The following DST variants were observed in gnomAD, a reference collection of about 807,000 sequenced individuals.
The protein encoded by DST is bullous pemphigoid antigen.
A neutral mutation model predicts 875.2 loss-of-function variants in DST; 253 were observed. That is an observed-to-expected ratio of 0.29 (90% CI 0.26 to 0.32). The LOEUF is 0.32. Ranked by LOEUF, DST falls within the 10% of genes least tolerant of loss-of-function variation. DST has a pLI of 1.00. For missense variants in DST, 8,287 were observed against 9,111.6 expected (o/e 0.91, Z 3.68); for synonymous variants, 3,124 against 3,197.1 (o/e 0.98, Z 0.77).
intron 2 of DST, among the ~76,000 whole-genome samples, chr6:56,904,792 GTT>G (rs2127700809): frequency 6.6e-6 from 1 of 152,218 alleles, no homozygotes; most frequent in South Asian, 2.1e-4. Context: ...GTTAATAAGA[GTT>G]ACTCTTTTTC....
chr6:56,600,469 G>A (rs917667953), intron 44 of DST, among the ~76,000 whole-genome samples: 2 of 152,028 alleles, frequency 1.3e-5, no homozygotes, highest in African/African-American at 4.8e-5. Flanking sequence ...ATGCATATTT[G>A]TAAGAGATGG....
At chr6:56,916,630 G>A (rs1388900312) in intron 2 of DST, among the ~76,000 whole-genome samples, 1 of 151,888 alleles carries the variant, frequency 6.6e-6, no homozygotes, top group Non-Finnish European at 1.5e-5. Context: ...GCGCACACCT[G>A]TAGCCCCAGC....
rs113432929 is a variant in DST at position 56,640,377 on chromosome 6, T to A, written c.2256A>T (p.Ser752=). Reference sequence around the variant, plus strand: ...ATGGAGTCAGGCGGGAAGTCATCCCTGATGACAGGCCAGAAGTCATACTAG... The same window carrying A: ...ATGGAGTCAGGCGGGAAGTCATCCCAGATGACAGGCCAGAAGTCATACTAG... The part of the protein sequence containing the change: ...TSSSMTSGLS[S]GMTSRLTPSV... The change falls in exon 18 of 104, where the codon TCA becomes TCT. Residue 752 remains serine, a synonymous_variant. Transcript: ENST00000680361. The A allele has an allele frequency of 3.1e-3, 4,996 of 1,614,140 alleles. 43 individuals are homozygous for A. Among genetic ancestry groups the A allele is most frequent in the Middle Eastern group, 0.016 (94 of 6,060 alleles).
intron 3 of DST, among the ~76,000 whole-genome samples, chr6:56,864,801 T>C (rs996005002): frequency 2.6e-5 from 4 of 152,190 alleles, no homozygotes; most frequent in African/African-American, 9.7e-5. Flanking sequence ...ATTGCAGTGA[T>C]TATAGCTATA....
intron 69 of DST, among the ~76,000 whole-genome samples, chr6:56,522,157 C>T (rs2096719423): frequency 6.6e-6 from 1 of 152,102 alleles, no homozygotes; most frequent in Admixed American, 6.6e-5. Flanking sequence ...CAGCCAGCAT[C>T]CTACTGAGCA....
chr6:56,820,117 T>C (rs1047401761), intron 4 of DST, among the ~76,000 whole-genome samples: 10 of 152,198 alleles, frequency 6.6e-5, no homozygotes, highest in African/African-American at 2.4e-4. Flanking sequence ...TGGTTTAGAA[T>C]CCCAGCTCTG....
At chr6:56,871,622 C>G (rs1777144312) in intron 3 of DST, 1 of 760,836 alleles carries the variant, frequency 1.3e-6, no homozygotes, top group Admixed American at 1.7e-5. Flanking sequence ...GCTCTCTCTG[C>G]CACATCGAGA....
intron 10 of DST, among the ~76,000 whole-genome samples, chr6:56,657,273 C>T (rs1052812107): frequency 6.6e-6 from 1 of 152,090 alleles, no homozygotes; most frequent in African/African-American, 2.4e-5. Context: ...AACCTTTTAA[C>T]TCTTTTTCAG....
chr6:56,954,637 C>T lies in DST; in HGVS notation c.-50G>A. 1 of 1,234,302 alleles carries T rather than the reference C, an allele frequency of 8.1e-7. No homozygotes were observed. Among genetic ancestry groups the T allele is most frequent in the South Asian group, 1.5e-5 (1 of 67,180 alleles). 76.5% of individuals were successfully genotyped at this position (1,234,302 alleles called of 1,614,324 possible). A position where few individuals can be genotyped will look rare whatever the true frequency, so the allele number is the denominator to read the frequency against. On this transcript the variant is annotated 5_prime_UTR_variant, in exon 1 of 104. Transcript: ENST00000680361. Reference sequence around the variant, plus strand: ...CGACGGCGGGGCTGGAGGGCGGCGGCACAGGCACCCGCGCTGGGCGCACGC... The same window carrying T: ...CGACGGCGGGGCTGGAGGGCGGCGGTACAGGCACCCGCGCTGGGCGCACGC...
chr6:56,906,238 C>G (rs1169079318), intron 2 of DST, among the ~76,000 whole-genome samples: 3 of 152,140 alleles, frequency 2.0e-5, no homozygotes, highest in Non-Finnish European at 4.4e-5. Flanking sequence ...CTTCTGATAC[C>G]AGAGTTAAGA....
intron 4 of DST, chr6:56,843,267 G>A: frequency 7.9e-7 from 1 of 1,263,224 alleles, no homozygotes; most frequent in South Asian, 3.4e-5. Context: ...CAGCACGCTG[G>A]GGAGAAGCAC....
At chr6:56,695,714 A>AC (rs766631151) in intron 9 of DST, among the ~76,000 whole-genome samples, 2 of 152,250 alleles carry the variant, frequency 1.3e-5, no homozygotes, top group Admixed American at 6.5e-5. Flanking sequence ...TGGATCTAGC[A>AC]TGTGGTGGCT....
At chr6:56,927,713 C>T (rs1313547863) in intron 2 of DST, among the ~76,000 whole-genome samples, 2 of 152,038 alleles carry the variant, frequency 1.3e-5, no homozygotes, top group Non-Finnish European at 2.9e-5. Context: ...CTGATCTTGA[C>T]AAAAATGTTC....
Position 56,670,634 on chromosome 6 carries a change from T to C in DST, c.1214+7A>G. ...TTGTATAAGGAAAAAATACACAAATTCCATACCTGTATTTATGAATGATGG... is the reference window on the plus strand; with the variant it reads ...TTGTATAAGGAAAAAATACACAAATCCCATACCTGTATTTATGAATGATGG... On this transcript the variant is annotated splice_region_variant and intron_variant, in intron 10 of 103. Transcript: ENST00000680361. The C allele has an allele frequency of 6.5e-7, 1 of 1,543,930 alleles. No homozygotes were observed. Among genetic ancestry groups the C allele is most frequent in the Non-Finnish European group, 8.7e-7 (1 of 1,143,618 alleles).
At chr6:56,850,798 A>C (rs1764796111) in intron 4 of DST, among the ~76,000 whole-genome samples, 1 of 152,216 alleles carries the variant, frequency 6.6e-6, no homozygotes, top group African/African-American at 2.4e-5. Flanking sequence ...ACAGAACAGA[A>C]ACATTGGCAC....
At chr6:56,732,643 A>G (rs1401299633) in intron 5 of DST, among the ~76,000 whole-genome samples, 1 of 152,242 alleles carries the variant, frequency 6.6e-6, no homozygotes, top group Non-Finnish European at 1.5e-5. Context: ...TGCCAGTTAT[A>G]TAAACTTTTA....
chr6:56,618,042 T>A lies in DST; in HGVS notation c.4930-3558A>T, dbSNP rs1194542771. ...ATTTCACATGCGTTATCTTGATACCTAACAGGTGGTCTAGAATTGTTCAGG... is the reference window on the plus strand; with the variant it reads ...ATTTCACATGCGTTATCTTGATACCAAACAGGTGGTCTAGAATTGTTCAGG... On this transcript the variant is annotated intron_variant, in intron 36 of 103. Coordinates refer to ENST00000680361, the MANE Select transcript of DST (RefSeq NM_001374736.1). 3 of 1,614,192 alleles carry A rather than the reference T, an allele frequency of 1.9e-6. No individual in the cohort carries two copies. Among genetic ancestry groups the A allele is most frequent in the Non-Finnish European group, 2.5e-6 (3 of 1,180,000 alleles).
intron 4 of DST, among the ~76,000 whole-genome samples, chr6:56,777,146 G>C (rs1417723918): frequency 1.3e-5 from 2 of 152,046 alleles, no homozygotes; most frequent in African/African-American, 2.4e-5. Context: ...CCTAACACTT[G>C]ACTTGAATTA....
At position 56,636,651 on chromosome 6, in the gene DST, G is replaced by T; in HGVS notation, c.2966C>A (p.Ala989Asp). ...CTGCGTCTGCATTGCCGCTCTGTAG[G>T]CCTTAAAGATAAAACAGAGCCATCA... is the stretch of plus-strand genomic sequence containing the variant. Reference protein sequence around the residue: ...ENHPARLTIEAYRAAMQTQWS... With the variant: ...ENHPARLTIEDYRAAMQTQWS... Residue 989 changes from alanine to aspartate, a missense_variant and splice_region_variant, in exon 23 of 104, where the codon GCC becomes GAC. Coordinates refer to ENST00000680361, the MANE Select transcript of DST (RefSeq NM_001374736.1). 1 of 1,612,472 alleles carries T rather than the reference G, an allele frequency of 6.2e-7. No individual in the cohort carries two copies.
Sources: allele counts gnomAD v4.1 joint callset (sites outside exome capture counted in the v4.1 genomes callset), GRCh38; gene constraint gnomAD v4.1.1; transcripts MANE v1.5; gene names NCBI Gene and HGNC (gene_info 2026-07-23, HGNC 2026-07-21).